LIPC: variants seen among roughly 807,000 people sequenced by gnomAD.
The protein encoded by LIPC is lipase C, hepatic type.
Under a neutral mutation model 50.7 loss-of-function variants are expected in LIPC, and 44 were observed. The ratio of observed to expected loss-of-function variants is 0.87; its 90% confidence interval spans 0.68 to 1.11. The LOEUF (loss-of-function observed/expected upper bound fraction) is 1.11. Ranked by LOEUF, LIPC falls within the 50% of genes most tolerant of loss-of-function variation. The pLI, the probability that LIPC is intolerant of heterozygous loss-of-function variation, is 0.00. For synonymous variants in LIPC, 271 were observed against 256.4 expected (o/e 1.06, Z -0.54); for missense variants, 697 against 648.2 (o/e 1.08, Z -0.82).
chr15:58,535,879 G>A (rs1430247035), intron 1 of LIPC, among the ~76,000 whole-genome samples: 8 of 152,164 alleles, frequency 5.3e-5, no homozygotes, highest in Non-Finnish European at 5.9e-5. Flanking sequence ...TTCAGTCTCT[G>A]AATAAAAGAA....
intron 1 of LIPC, among the ~76,000 whole-genome samples, chr15:58,463,231 C>T (rs1376399717): frequency 3.3e-5 from 5 of 152,228 alleles, no homozygotes; most frequent in South Asian, 2.1e-4. Context: ...GGGAGGGGAA[C>T]TTATGTGTCA....
At chr15:58,546,328 C>A (rs776277373) in intron 5 of LIPC, among the ~76,000 whole-genome samples, 4 of 152,230 alleles carry the variant, frequency 2.6e-5, no homozygotes, top group African/African-American at 9.6e-5. Flanking sequence ...ATTCTTCCTT[C>A]TCTGGAAGTT....
intron 1 of LIPC, among the ~76,000 whole-genome samples, chr15:58,461,025 C>A (rs1894329219): frequency 1.3e-5 from 2 of 152,098 alleles, no homozygotes; most frequent in South Asian, 4.1e-4. Flanking sequence ...AAGAAAGCCA[C>A]CAAGGCCAAT....
chr15:58,517,929 G>A (rs1481915965), intron 1 of LIPC, among the ~76,000 whole-genome samples: 2 of 152,214 alleles, frequency 1.3e-5, no homozygotes, highest in Non-Finnish European at 2.9e-5. Flanking sequence ...ACAGCTAGTT[G>A]GTGCAAAGTG....
intron 2 of LIPC, among the ~76,000 whole-genome samples, chr15:58,540,281 A>G (rs1015063333): frequency 1.3e-5 from 2 of 152,160 alleles, no homozygotes; most frequent in Non-Finnish European, 2.9e-5. Context: ...TCCTCCTATT[A>G]CTGCTAATAT....
intron 6 of LIPC, among the ~76,000 whole-genome samples, chr15:58,549,315 A>G (rs1893663682): frequency 6.6e-6 from 1 of 152,250 alleles, no homozygotes; most frequent in South Asian, 2.1e-4. Context: ...TCACTGTTTC[A>G]TCGCACAGCC....
Position 58,464,407 on chromosome 15 carries a change from T to C in LIPC, c.88+32287T>C, listed in dbSNP as rs1333042548. On this transcript the variant is annotated intron_variant, in intron 1 of 8. Coordinates refer to ENST00000299022, the MANE Select transcript of LIPC (RefSeq NM_000236.3). Reference sequence around the variant, plus strand: ...AACCTGCTTTCCCACACAACAGAGTTCAACAGAGCTTTTCATTAAAGCAAC... The same window carrying C: ...AACCTGCTTTCCCACACAACAGAGTCCAACAGAGCTTTTCATTAAAGCAAC... Among the ~76,000 whole-genome samples, 4 of 152,260 alleles carry C rather than the reference T, an allele frequency of 2.6e-5. No homozygotes were observed. In the East Asian group the frequency reaches 7.7e-4, roughly 29 times the overall value.
intron 4 of LIPC, among the ~76,000 whole-genome samples, chr15:58,544,193 G>A (rs539839029): frequency 6.6e-6 from 1 of 152,164 alleles, no homozygotes; most frequent in South Asian, 2.1e-4. Flanking sequence ...AGAGGTCAGA[G>A]TCCACACCCA....
chr15:58,515,136 A>T (rs946253252), intron 1 of LIPC, among the ~76,000 whole-genome samples: 6 of 152,290 alleles, frequency 3.9e-5, no homozygotes, highest in Admixed American at 2.6e-4. Flanking sequence ...CTTTCTTATA[A>T]GAACCCTTGT....
intron 1 of LIPC, among the ~76,000 whole-genome samples, chr15:58,501,028 T>A (rs1891968495): frequency 6.6e-6 from 1 of 152,092 alleles, no homozygotes; most frequent in African/African-American, 2.4e-5. Flanking sequence ...TCTTTCCTCA[T>A]GGGCATCACT....
intron 1 of LIPC, among the ~76,000 whole-genome samples, chr15:58,530,258 AG>A (rs1892917712): frequency 6.6e-6 from 1 of 152,234 alleles, no homozygotes; most frequent in Admixed American, 6.5e-5. Context: ...TGAAGGAATC[AG>A]GGAAGACCTT....
At chr15:58,432,875 T>A (rs1260559688) in intron 1 of LIPC, among the ~76,000 whole-genome samples, 3 of 152,214 alleles carry the variant, frequency 2.0e-5, no homozygotes, top group Non-Finnish European at 4.4e-5. Flanking sequence ...CTAGTAACGC[T>A]AAGGTAGAGT....
intron 1 of LIPC, among the ~76,000 whole-genome samples, chr15:58,525,274 T>A (rs1267040151): frequency 6.6e-6 from 1 of 152,206 alleles, no homozygotes; most frequent in African/African-American, 2.4e-5. Context: ...ACATATGCAT[T>A]TGAGTGTTCT....
At chr15:58,446,912 C>T (rs1476435319) in intron 1 of LIPC, among the ~76,000 whole-genome samples, 1 of 151,998 alleles carries the variant, frequency 6.6e-6, no homozygotes, top group Non-Finnish European at 1.5e-5. Flanking sequence ...TTTGGGAGGC[C>T]AGAGGCAGGC....
At chr15:58,444,474 C>A (rs951579386) in intron 1 of LIPC, among the ~76,000 whole-genome samples, 1 of 152,314 alleles carries the variant, frequency 6.6e-6, no homozygotes, top group African/African-American at 2.4e-5. Context: ...CAGAGGACCA[C>A]AGACTGGGTG....
intron 1 of LIPC, among the ~76,000 whole-genome samples, chr15:58,502,337 A>G (rs993121242): frequency 8.6e-5 from 13 of 152,034 alleles, no homozygotes; most frequent in African/African-American, 2.7e-4. Context: ...ACCAGATTGG[A>G]TGCACCTGGA....
In LIPC at chr15:58,507,736, A is replaced by C. The variant is rs547628411; in HGVS notation, c.89-30597A>C. On this transcript the variant is annotated intron_variant, in intron 1 of 8. Transcript: ENST00000299022. ...CCTTTGCCCTCTGAAAGCTCACTGA[A>C]AACTCACAGAAGACAGATTAGTAGA... is the stretch of plus-strand genomic sequence containing the variant. 5.3e-5 allele frequency among the ~76,000 whole-genome samples: 8 copies of C among 152,356 alleles called. No homozygotes were observed. In the South Asian group the frequency reaches 1.4e-3, roughly 28 times the overall value.
chr15:58,515,550 A>ATATATATATATATATATC (rs1566935655), intron 1 of LIPC, among the ~76,000 whole-genome samples: 18 of 151,132 alleles, frequency 1.2e-4, no homozygotes, highest in African/African-American at 3.9e-4. Flanking sequence ...ATATATATAT[A>ATATATATATATATATATC]TATCTCAAAA....
intron 6 of LIPC, among the ~76,000 whole-genome samples, chr15:58,553,040 C>G (rs1341950864): frequency 6.6e-6 from 1 of 152,206 alleles, no homozygotes; most frequent in Non-Finnish European, 1.5e-5. Context: ...CACATTTTTA[C>G]AGCGACACTA....
Sources: gnomAD v4.1 joint callset for allele counts (sites outside exome capture counted in the v4.1 genomes callset) on GRCh38, gnomAD v4.1.1 for gene constraint, MANE v1.5 for transcripts, NCBI Gene and HGNC (gene_info 2026-07-23, HGNC 2026-07-21) for gene names.